The following RPE variants were observed in gnomAD, a reference collection of about 807,000 sequenced individuals.
The protein encoded by RPE is ribulose-5-phosphate-3-epimerase, also known as ribulose-phosphate 3-epimerase.
RPE carries 16 observed loss-of-function variants against 24.6 expected under a neutral mutation model. The observed-to-expected ratio is 0.65, with a 90% CI of 0.44 to 0.99. RPE has a LOEUF of 0.99. Ranked by LOEUF, RPE falls within the 50% of genes least tolerant of loss-of-function variation. The pLI, the probability that RPE is intolerant of heterozygous loss-of-function variation, is 0.00. For synonymous variants in RPE, 93 were observed against 98.4 expected (o/e 0.94, Z 0.33); for missense variants, 240 against 294.5 (o/e 0.81, Z 1.35).
In RPE at chr2:210,020,545, C is replaced by T. The variant is rs1174015720; in HGVS notation, c.*754C>T. The T allele has an allele frequency of 6.0e-6, 1 of 166,748 alleles. No homozygotes were observed. The highest frequency in any genetic ancestry group is 1.5e-5 in the Non-Finnish European group (1 of 68,050). The allele number at this position is 166,748 out of a possible 1,614,324, so 10.3% of individuals were successfully genotyped here. On this transcript the variant is annotated 3_prime_UTR_variant, in exon 6 of 6. Transcript: ENST00000359429. ...TCTAGCTGGACCTTTAACAAATCAC[C>T]CAATCTTTTTTGTGTTTCTCTAAAG...
intron 1 of RPE, among the ~76,000 whole-genome samples, chr2:210,007,169 T>G (rs963763024): frequency 1.3e-5 from 2 of 152,262 alleles, no homozygotes; most frequent in Non-Finnish European, 2.9e-5. Flanking sequence ...AGGGTTGTTG[T>G]GAGGTTTTAA....
chr2:210,016,268 C>T (rs1393731877), intron 3 of RPE, 156 bp downstream of exon 3: 7 of 1,613,786 alleles, frequency 4.3e-6, no homozygotes, highest in Non-Finnish European at 5.9e-6. Flanking sequence ...GTAAAGAATA[C>T]CTTACTTAAG....
intron 3 of RPE, 65 bp downstream of exon 3, chr2:210,016,177 A>G: frequency 1.9e-6 from 3 of 1,613,790 alleles, no homozygotes; most frequent in Non-Finnish European, 2.5e-6. Flanking sequence ...TGCGGGAAAC[A>G]GGAAATTTTC....
chr2:210,014,336 G>A (rs1388083546), intron 2 of RPE, among the ~76,000 whole-genome samples: 2 of 152,052 alleles, frequency 1.3e-5, no homozygotes, highest in South Asian at 2.1e-4. Flanking sequence ...TGATCCACCC[G>A]CCTTGGCCTC....
At chr2:210,012,822 C>T (rs2093719056) in intron 2 of RPE, among the ~76,000 whole-genome samples, 1 of 152,208 alleles carries the variant, frequency 6.6e-6, no homozygotes, top group South Asian at 2.1e-4. Flanking sequence ...AGTTAACAAG[C>T]TTTTCTGATG....
At chr2:210,016,233 G>C (rs1206182089) in intron 3 of RPE, 121 bp downstream of exon 3, 2 of 1,614,080 alleles carry the variant, frequency 1.2e-6, no homozygotes, top group East Asian at 2.2e-5. Context: ...CTGAAGTGCA[G>C]TGGCACAGTC....
chr2:210,017,730 A>AT, intron 5 of RPE, 171 bp downstream of exon 5: 3 of 376,378 alleles, frequency 8.0e-6, no homozygotes, highest in South Asian at 2.8e-5. Context: ...ATAAGTGGAT[A>AT]TGCTTTTTTT....
chr2:210,002,708 T>A lies in RPE; in HGVS notation c.47T>A (p.Leu16Gln), dbSNP rs1397167619. The change falls in exon 1 of 6, where the codon CTG (leucine) becomes CAG (glutamine). Residue 16 changes from leucine (L) to glutamine (Q), a missense_variant. Leu to Gln is a moderately radical substitution (Grantham distance 113). Coordinates refer to ENST00000359429, the MANE Select transcript of RPE (RefSeq NM_199229.3). ...GGCCCGTCCATCCTCAACAGCGACC[T>A]GGCCAATTTAGGGGCCGAGTGCCTC... The part of the protein sequence containing the change: ...KIGPSILNSD[L>Q]ANLGAECLRM... 1 of 1,614,080 alleles carries A rather than the reference T, an allele frequency of 6.2e-7. No homozygotes were observed. The highest frequency in any genetic ancestry group is 8.5e-7 in the Non-Finnish European group (1 of 1,180,024).
At chr2:210,016,432 TG>T in intron 3 of RPE, 74 bp from the exon 4 acceptor site, 1 of 1,597,954 alleles carries the variant, frequency 6.3e-7, no homozygotes, top group Non-Finnish European at 8.5e-7. Flanking sequence ...ATATTTCTAC[TG>T]GGCCTGCTAT....
chr2:210,019,890 CT>C lies in RPE; in HGVS notation c.*105del, dbSNP rs2093835828. 1 of 1,413,544 alleles carries C rather than the reference CT, an allele frequency of 7.1e-7. No individual in the cohort carries two copies. Among genetic ancestry groups the C allele is most frequent in the Admixed American group, 2.6e-5 (1 of 39,068 alleles). 87.6% of individuals were successfully genotyped at this position (1,413,544 alleles called of 1,614,324 possible). ...TCACAATGCAATTGAAGCCGTACTG[CT>C]TTTTTGAGCAGTTATTCATTCCAGT... On this transcript the variant is annotated 3_prime_UTR_variant, in exon 6 of 6. Coordinates refer to ENST00000359429, the MANE Select transcript of RPE (RefSeq NM_199229.3).
At chr2:210,016,251 A>G (rs772474609) in intron 3 of RPE, 139 bp downstream of exon 3, 1 of 1,613,962 alleles carries the variant, frequency 6.2e-7, no homozygotes, top group Non-Finnish European at 8.5e-7. Flanking sequence ...GTCAGGGCCC[A>G]TTGCAGGTAA....
intron 5 of RPE, among the ~76,000 whole-genome samples, chr2:210,019,115 TAAA>T (rs1054923835): frequency 2.0e-5 from 3 of 152,294 alleles, no homozygotes; most frequent in East Asian, 3.9e-4. Flanking sequence ...AAATGTATCT[TAAA>T]AACTTTTTTA....
chr2:210,011,716 G>A (rs2093701807), intron 2 of RPE, among the ~76,000 whole-genome samples: 1 of 151,942 alleles, frequency 6.6e-6, no homozygotes, highest in African/African-American at 2.4e-5. Context: ...CTATTACCCA[G>A]GCAAGAGTAC....
Position 210,002,666 on chromosome 2 carries a change from C to T in RPE, c.5C>T (p.Ala2Val), listed in dbSNP as rs974277083. The T allele has an allele frequency of 2.5e-6, 4 of 1,613,090 alleles. No homozygotes were observed. The highest frequency in any genetic ancestry group is 2.5e-6 in the Non-Finnish European group (3 of 1,179,220). Residue 2 changes from alanine (A) to valine (V), a missense_variant, in exon 1 of 6, where the codon GCG (alanine) becomes GTG (valine). Ala to Val is a moderately conservative substitution (Grantham distance 64). Transcript: ENST00000359429. M[A>V]SGCKIGPSIL... ...TTGCTTTTGGGAGCCAGCGGTATGGCGTCGGGCTGCAAGATTGGCCCGTCC... is the reference window on the plus strand; with the variant it reads ...TTGCTTTTGGGAGCCAGCGGTATGGTGTCGGGCTGCAAGATTGGCCCGTCC...
Position 210,015,977 on chromosome 2 carries a change from G to A in RPE, c.207G>A (p.Met69Ile). The change falls in exon 3 of 6, where the codon ATG (methionine) becomes ATA (isoleucine). Residue 69 changes from methionine (M) to isoleucine (I), a missense_variant. Coordinates refer to ENST00000359429, the MANE Select transcript of RPE (RefSeq NM_199229.3). ...KQLGQDPFFD[M>I]HMMVSKPEQW... ...TGAAGTGTCTTTTCTTTCTAGACAT[G>A]CACATGATGGTGTCCAAGCCAGAAC... The A allele has an allele frequency of 1.2e-6, 2 of 1,613,846 alleles. No homozygotes were observed. Among genetic ancestry groups the A allele is most frequent in the Admixed American group, 1.7e-5 (1 of 59,956 alleles).
chr2:210,010,928 A>T (rs1046088681), intron 2 of RPE, among the ~76,000 whole-genome samples: 1 of 152,090 alleles, frequency 6.6e-6, no homozygotes, highest in African/African-American at 2.4e-5. Context: ...AAAAAAAAAA[A>T]ATTTTTTTTA....
intron 5 of RPE, chr2:210,018,814 A>C (rs1208749087): frequency 2.4e-6 from 1 of 421,028 alleles, no homozygotes; most frequent in African/African-American, 2.2e-5. Flanking sequence ...ATGGAACACT[A>C]GGCATAAATG....
intron 1 of RPE, among the ~76,000 whole-genome samples, chr2:210,004,589 A>G (rs148951693): frequency 6.6e-6 from 1 of 152,312 alleles, no homozygotes; most frequent in East Asian, 1.9e-4. Flanking sequence ...GCAACTAATA[A>G]TTTGTGTATT....
At chr2:210,017,180 CT>C (rs1016043215) in intron 4 of RPE, among the ~76,000 whole-genome samples, 1 of 152,160 alleles carries the variant, frequency 6.6e-6, no homozygotes, top group African/African-American at 2.4e-5. Context: ...TTATCTCTAA[CT>C]TTTAGATCTC....
Sources: allele counts gnomAD v4.1 joint callset (sites outside exome capture counted in the v4.1 genomes callset), GRCh38; gene constraint gnomAD v4.1.1; transcripts MANE v1.5; gene names NCBI Gene and HGNC (gene_info 2026-07-23, HGNC 2026-07-21).